Variants in RHOBTB2 observed in about 807,000 individuals in gnomAD.
The protein encoded by RHOBTB2 is Rho related BTB domain containing 2.
In RHOBTB2, 39 loss-of-function variants were observed where a neutral mutation model predicts 66.5. That is an observed-to-expected ratio of 0.59 (90% CI 0.45 to 0.77). The LOEUF is 0.77. Ranked by LOEUF, RHOBTB2 falls within the 30% of genes least tolerant of loss-of-function variation. RHOBTB2 has a pLI of 0.00. For synonymous variants in RHOBTB2, 390 were observed against 395.0 expected, an observed-to-expected ratio of 0.99 and a Z score of 0.15; for missense variants, 755 against 999.1, an observed-to-expected ratio of 0.76 and a Z score of 3.29.
chr8:22,972,924 C>A, the RHOBTB2 span, among the ~76,000 whole-genome samples: 1 of 152,232 alleles, frequency 6.6e-6, no homozygotes, highest in Admixed American at 6.5e-5. Context: ...GTGCAGCCAT[C>A]CTGCGATGGG....
At position 23,006,390 on chromosome 8, in the gene RHOBTB2, G is replaced by A. The variant is rs1810951381; in HGVS notation, c.482+245G>A. On this transcript the variant is annotated intron_variant, in intron 4 of 9. Transcript: ENST00000251822. The surrounding 1 kb of genome is among the most constrained non-coding windows in gnomAD (Gnocchi z 6.1). ...AGAGAGGAAGAGGTGATATTTGCAT[G>A]AAAAAGTCCTATAATTTTGCTGAGG... The A allele has an allele frequency of 1.8e-6, 1 of 553,314 alleles. No individual in the cohort carries two copies. Among genetic ancestry groups the A allele is most frequent in the East Asian group, 2.9e-5 (1 of 34,876 alleles). 34.3% of individuals were successfully genotyped at this position (553,314 alleles called of 1,614,324 possible).
chr8:22,962,877 A>G, the RHOBTB2 span, among the ~76,000 whole-genome samples: 2 of 152,210 alleles, frequency 1.3e-5, no homozygotes, highest in African/African-American at 4.8e-5. Flanking sequence ...AGAGTGGTAA[A>G]AGCAAAATAC....
At chr8:22,959,515 A>G in the RHOBTB2 span, among the ~76,000 whole-genome samples, 3 of 152,004 alleles carry the variant, frequency 2.0e-5, no homozygotes, top group African/African-American at 4.8e-5. Context: ...CAACCTCCCA[A>G]GGTGCTGGGA....
At chr8:22,976,853 T>C in the RHOBTB2 span, among the ~76,000 whole-genome samples, 3 of 150,562 alleles carry the variant, frequency 2.0e-5, no homozygotes, top group East Asian at 6.1e-4. Flanking sequence ...CTCGAACTCC[T>C]GATCTCAAAT....
chr8:22,991,855 T>C (rs934371063), intron 1 of RHOBTB2, among the ~76,000 whole-genome samples: 1 of 152,150 alleles, frequency 6.6e-6, no homozygotes, highest in Non-Finnish European at 1.5e-5. Context: ...CGACCCTAAA[T>C]TCATGCTTAG....
At chr8:22,980,908 A>C in the RHOBTB2 span, among the ~76,000 whole-genome samples, 1 of 152,236 alleles carries the variant, frequency 6.6e-6, no homozygotes, top group Non-Finnish European at 1.5e-5. Context: ...CAATATTTTT[A>C]AATTTGCTCT....
At chr8:22,976,269 T>G in the RHOBTB2 span, among the ~76,000 whole-genome samples, 1 of 152,150 alleles carries the variant, frequency 6.6e-6, no homozygotes, top group South Asian at 2.1e-4. Context: ...TGAGACCACC[T>G]CAGGCAGAGA....
intron 6 of RHOBTB2, among the ~76,000 whole-genome samples, chr8:23,009,583 G>C (rs137869841): frequency 2.0e-5 from 3 of 152,222 alleles, no homozygotes; most frequent in African/African-American, 7.2e-5. Flanking sequence ...TTTTCCTTCT[G>C]CCAAAAACCC....
the RHOBTB2 span, among the ~76,000 whole-genome samples, chr8:22,960,616 C>T: frequency 6.6e-6 from 1 of 152,100 alleles, no homozygotes; most frequent in Non-Finnish European, 1.5e-5. Context: ...GCACCCGGCC[C>T]CTGAGTTGTC....
the RHOBTB2 span, among the ~76,000 whole-genome samples, chr8:22,960,837 T>G: frequency 6.6e-6 from 1 of 152,204 alleles, no homozygotes; most frequent in Non-Finnish European, 1.5e-5. Flanking sequence ...AGGGACAGAA[T>G]GTAAGCCATG....
At chr8:23,015,016 A>G (rs984654129) in intron 8 of RHOBTB2, among the ~76,000 whole-genome samples, 7 of 152,104 alleles carry the variant, frequency 4.6e-5, no homozygotes, top group African/African-American at 1.7e-4. Context: ...AGGCAGCAGT[A>G]GGGCTGGGGA....
the RHOBTB2 span, among the ~76,000 whole-genome samples, chr8:22,958,518 G>A: frequency 6.6e-6 from 1 of 152,242 alleles, no homozygotes; most frequent in East Asian, 1.9e-4. Flanking sequence ...AGCTAAACAG[G>A]CCAGGTGCAG....
upstream of RHOBTB2, among the ~76,000 whole-genome samples, chr8:22,983,805 G>A (rs1321473248): frequency 6.6e-6 from 1 of 152,040 alleles, no homozygotes; most frequent in Non-Finnish European, 1.5e-5. Context: ...CGCCATCTTG[G>A]CTCATTGCAA....
chr8:23,004,038 G>C lies in RHOBTB2; in HGVS notation c.-10-387G>C, dbSNP rs1810867635. On this transcript the variant is annotated intron_variant, in intron 1 of 9. Transcript: ENST00000251822. The surrounding 1 kb of genome is among the most constrained non-coding windows in gnomAD (Gnocchi z 6.4). Reference sequence around the variant, plus strand: ...GCTTCTCTCAGCTGTTTGTTGTTCTGCTGCCACTGCTCTGCCGGGGAAGGA... The same window carrying C: ...GCTTCTCTCAGCTGTTTGTTGTTCTCCTGCCACTGCTCTGCCGGGGAAGGA... The C allele has an allele frequency of 3.3e-6, 1 of 307,320 alleles. No individual in the cohort carries two copies. The highest frequency in any genetic ancestry group is 6.4e-6 in the Non-Finnish European group (1 of 156,986). 19.0% of individuals were successfully genotyped at this position (307,320 alleles called of 1,614,324 possible).
chr8:23,007,098 C>T lies in RHOBTB2; in HGVS notation c.853C>T (p.Leu285Phe). 3 of 1,611,116 alleles carry T rather than the reference C, an allele frequency of 1.9e-6. No individual in the cohort carries two copies. Among genetic ancestry groups the T allele is most frequent in the Non-Finnish European group, 2.5e-6 (3 of 1,179,846 alleles). ...GCGCATCTTTGCCCACAAGATCTAC[C>T]TCTCCACCTCTTCCTCCAAGTTCTA... is the stretch of plus-strand genomic sequence containing the variant. Reference protein sequence around the residue: ...RVRIFAHKIYLSTSSSKFYDL... With the variant: ...RVRIFAHKIYFSTSSSKFYDL... The change falls in exon 5 of 10, where the codon CTC becomes TTC. Residue 285 changes from leucine to phenylalanine, a missense_variant. This residue lies in a region of RHOBTB2 where 247 missense variants were observed against 238.9 expected (regional missense o/e 1.03). Transcript: ENST00000251822.
At chr8:22,994,073 G>T (rs192468023) in intron 2 of RHOBTB2, among the ~76,000 whole-genome samples, 2 of 152,178 alleles carry the variant, frequency 1.3e-5, no homozygotes, top group Admixed American at 6.5e-5. Context: ...TCAATGAAAA[G>T]AATGACCAAG....
chr8:22,995,127 C>T (rs1276876496), upstream of RHOBTB2, among the ~76,000 whole-genome samples: 1 of 152,122 alleles, frequency 6.6e-6, no homozygotes, highest in Non-Finnish European at 1.5e-5. Flanking sequence ...GAGACAGGGT[C>T]TTATTATATT....
At chr8:23,002,509 T>C (rs2128802421) in intron 1 of RHOBTB2, among the ~76,000 whole-genome samples, 2 of 152,240 alleles carry the variant, frequency 1.3e-5, no homozygotes, top group Middle Eastern at 3.4e-3. Context: ...CTGACCAACA[T>C]GGCGAAACCC....
In RHOBTB2 at chr8:22,999,804, C is replaced by T; in HGVS notation, c.-312C>T. 1.0e-6 allele frequency: 1 copy of T among 983,502 alleles called. No individual in the cohort carries two copies. The highest frequency in any genetic ancestry group is 1.2e-6 in the Non-Finnish European group (1 of 829,622). The allele number at this position is 983,502 out of a possible 1,614,324, so 60.9% of individuals were successfully genotyped here. On this transcript the variant is annotated 5_prime_UTR_variant, in exon 1 of 10. Coordinates refer to ENST00000251822, the MANE Select transcript of RHOBTB2 (RefSeq NM_015178.3). ...CGCCCGCTGCCTCCGCAGCCCGGCT[C>T]CGCGCGCCGCCGTGACATTGGGCGC...
Sources: gnomAD v4.1 joint callset for allele counts (sites outside exome capture counted in the v4.1 genomes callset) on GRCh38, gnomAD v4.1.1 for gene constraint, gnomAD v4.1.1 regional missense constraint, Gnocchi (gnomAD v3.1) non-coding constraint, MANE v1.5 for transcripts, NCBI Gene and HGNC (gene_info 2026-07-23, HGNC 2026-07-21) for gene names.